RPH3AL: variants seen among roughly 807,000 people sequenced by gnomAD.
The protein encoded by RPH3AL is rab effector Noc2.
In RPH3AL, 38 loss-of-function variants were observed where a neutral mutation model predicts 43.1. The ratio of observed to expected loss-of-function variants is 0.88; its 90% CI spans 0.68 to 1.15. The LOEUF is 1.15. RPH3AL is among the 50% of genes most tolerant of loss of function. The probability of loss-of-function intolerance (pLI) is 0.00; values close to 1 mark genes in which losing one functional copy is unlikely to be tolerated. For synonymous variants in RPH3AL, 189 were observed against 176.3 expected, an observed-to-expected ratio of 1.07 and a Z score of -0.57; for missense variants, 462 against 423.2, an observed-to-expected ratio of 1.09 and a Z score of -0.81.
At position 321,402 on chromosome 17, in the gene RPH3AL, A is replaced by G; in HGVS notation, c.91T>C (p.Trp31Arg). The change falls in exon 4 of 10, where the codon TGG (tryptophan) becomes CGG (arginine). Residue 31 changes from tryptophan (W) to arginine (R), a missense_variant. Transcript: ENST00000331302. ...TCCGTCTGGTAGGTGTGCACGGACC[A>G]GCCCGTCTGCAGCCTCGAGAGGGAA... ...LALRAKLQTG[W>R]SVHTYQTEKQ... 2.5e-6 allele frequency: 4 copies of G among 1,608,024 alleles called. No homozygotes were observed. The highest frequency in any genetic ancestry group is 3.4e-6 in the Non-Finnish European group (4 of 1,178,800).
In RPH3AL at chr17:215,755, G is replaced by T. The variant is rs1331502622; in HGVS notation, c.775C>A (p.His259Asn). Reference sequence around the variant, plus strand: ...AGGCTGCTCTGGCACCCAGAGAGGTGGCCCGGCGGGTGGGTGAACCCCATC... The same window carrying T: ...AGGCTGCTCTGGCACCCAGAGAGGTTGCCCGGCGGGTGGGTGAACCCCATC... Reference protein sequence around the residue: ...PRMGFTHPPGHLSGCQSSLAS... With the variant: ...PRMGFTHPPGNLSGCQSSLAS... The change falls in exon 9 of 10, where the codon CAC (histidine) becomes AAC (asparagine). Residue 259 changes from histidine to asparagine, a missense_variant. By Grantham distance (68) the His-to-Asn change is moderately conservative (BLOSUM62 1). Transcript: ENST00000331302. The surrounding 1 kb of genome is among the most constrained non-coding windows in gnomAD (Gnocchi z 4.1). 3 of 1,305,960 alleles carry T rather than the reference G, an allele frequency of 2.3e-6. No individual in the cohort carries two copies. Among genetic ancestry groups the T allele is most frequent in the Non-Finnish European group, 2.0e-6 (2 of 1,023,872 alleles). The allele number at this position is 1,305,960 out of a possible 1,614,324, so 80.9% of individuals were successfully genotyped here. A position where few individuals can be genotyped will look rare whatever the true frequency, so the allele number is the denominator to read the frequency against.
At chr17:221,622 A>C (rs376983226) in intron 7 of RPH3AL, among the ~76,000 whole-genome samples, 1 of 142,026 alleles carries the variant, frequency 7.0e-6, no homozygotes, top group African/African-American at 2.8e-5. Context: ...AGACCCAAGC[A>C]CAACAGCTCT....
intron 6 of RPH3AL, among the ~76,000 whole-genome samples, chr17:258,608 T>C (rs2042123919): frequency 6.6e-6 from 1 of 152,094 alleles, no homozygotes; most frequent in Non-Finnish European, 1.5e-5. Flanking sequence ...GCCTCAGCCT[T>C]GCCTCCTGCT....
At chr17:268,631 G>A (rs1470772450) in intron 6 of RPH3AL, among the ~76,000 whole-genome samples, 1 of 139,772 alleles carries the variant, frequency 7.2e-6, no homozygotes, top group Non-Finnish European at 1.5e-5. Context: ...CACCATCTCG[G>A]CTCACTGCAG....
At chr17:236,096 G>A (rs2041388716) in intron 7 of RPH3AL, among the ~76,000 whole-genome samples, 1 of 152,184 alleles carries the variant, frequency 6.6e-6, no homozygotes, top group Non-Finnish European at 1.5e-5. Flanking sequence ...CCTGATCTTG[G>A]AGCACAGAAG....
rs2043028188 is a variant in RPH3AL, at chr17:290,691, T to C, written c.352-8837A>G. On this transcript the variant is annotated intron_variant, in intron 5 of 9. Coordinates refer to ENST00000331302, the MANE Select transcript of RPH3AL (RefSeq NM_006987.4). The surrounding 1 kb of genome is among the most constrained non-coding windows in gnomAD (Gnocchi z 4.2). ...AGGCTGGCCTTTGAGTCCTCACCGA[T>C]CCATTTCATGATGAGGAATTCCACC... 6.6e-6 allele frequency among the ~76,000 whole-genome samples: 1 copy of C among 152,068 alleles called. No homozygotes were observed. The highest frequency in any genetic ancestry group is 2.4e-5 in the African/African-American group (1 of 41,414).
At chr17:272,288 A>G (rs1209801679) in intron 6 of RPH3AL, among the ~76,000 whole-genome samples, 1 of 152,122 alleles carries the variant, frequency 6.6e-6, no homozygotes, top group African/African-American at 2.4e-5. Context: ...TCATGCTGCT[A>G]TAAAGACACA....
intron 2 of RPH3AL, chr17:332,991 A>C: frequency 7.8e-7 from 1 of 1,282,418 alleles, no homozygotes; most frequent in Middle Eastern, 2.1e-4. Context: ...TTCCTAGGGG[A>C]CAGAGGCTCA....
At chr17:258,270 C>G (rs548255613) in intron 6 of RPH3AL, among the ~76,000 whole-genome samples, 1 of 152,224 alleles carries the variant, frequency 6.6e-6, no homozygotes. Context: ...TTTCTTCAAG[C>G]TCCTAGCACA....
chr17:319,653 G>T, intron 4 of RPH3AL, 104 bp from the exon 5 acceptor site: 1 of 1,404,452 alleles, frequency 7.1e-7, no homozygotes, highest in East Asian at 2.4e-5. Flanking sequence ...CCCCTCACCT[G>T]GGATATTGTT....
intron 5 of RPH3AL, among the ~76,000 whole-genome samples, chr17:303,517 CAGTG>C (rs1362241365): frequency 3.0e-5 from 4 of 131,276 alleles, no homozygotes; most frequent in Non-Finnish European, 6.7e-5. Context: ...AATTATTGAG[CAGTG>C]ACCGTGTTTC....
intron 1 of RPH3AL, among the ~76,000 whole-genome samples, chr17:337,752 C>T (rs889193119): frequency 6.6e-6 from 1 of 152,116 alleles, no homozygotes; most frequent in Non-Finnish European, 1.5e-5. Flanking sequence ...CGCTCAGTCT[C>T]GCTGCTCGAG....
intron 6 of RPH3AL, among the ~76,000 whole-genome samples, chr17:272,547 T>C (rs550532769): frequency 1.5e-5 from 2 of 130,346 alleles, no homozygotes; most frequent in Non-Finnish European, 3.1e-5. Flanking sequence ...TAGGTGGGAA[T>C]TGAACAATGA....
At chr17:309,613 A>G (rs7502566) in intron 5 of RPH3AL, among the ~76,000 whole-genome samples, 3,531 of 29,112 alleles carry the variant, frequency 0.12, 1,114 homozygotes, top group East Asian at 0.48. Flanking sequence ...CTGGGGGTCC[A>G]GGATATGGCA....
At chr17:336,369 GCTGA>G (rs141002988) in intron 1 of RPH3AL, among the ~76,000 whole-genome samples, 196 of 152,296 alleles carry the variant, frequency 1.3e-3, no homozygotes, top group African/African-American at 4.5e-3. Context: ...AGCGTTGCAG[GCTGA>G]CTATGCACCA....
In RPH3AL at chr17:225,576, T is replaced by C. The variant is rs555995756; in HGVS notation, c.614-5840A>G. On this transcript the variant is annotated intron_variant, in intron 7 of 9. Coordinates refer to ENST00000331302, the MANE Select transcript of RPH3AL (RefSeq NM_006987.4). The surrounding 1 kb of genome is among the most constrained non-coding windows in gnomAD (Gnocchi z 4.4). Reference sequence around the variant, plus strand: ...GCCCTTGGGGCAGCTACAGTGAAATTAGAGGCCTGTGGCTCACACTTCCCG... The same window carrying C: ...GCCCTTGGGGCAGCTACAGTGAAATCAGAGGCCTGTGGCTCACACTTCCCG... 3.9e-5 allele frequency among the ~76,000 whole-genome samples: 6 copies of C among 152,234 alleles called. No individual in the cohort carries two copies. The East Asian group carries it at 1.2e-3, about 29-fold the overall frequency.
intron 1 of RPH3AL, among the ~76,000 whole-genome samples, chr17:346,120 A>G (rs1282661523): frequency 1.5e-5 from 2 of 134,908 alleles, no homozygotes; most frequent in Non-Finnish European, 3.4e-5. Context: ...TAACAACCCC[A>G]TTGTACAGGT....
chr17:262,641 C>A (rs1246286200), intron 6 of RPH3AL, among the ~76,000 whole-genome samples: 10 of 152,184 alleles, frequency 6.6e-5, no homozygotes, highest in African/African-American at 2.4e-4. Flanking sequence ...CCTGGCCAAG[C>A]TGTTTACATC....
At chr17:326,144 C>T (rs1174659271) in intron 3 of RPH3AL, among the ~76,000 whole-genome samples, 1 of 152,220 alleles carries the variant, frequency 6.6e-6, no homozygotes, top group African/African-American at 2.4e-5. Flanking sequence ...CGTCAGAGGA[C>T]AGAGAGGGAG....
Sources: allele counts gnomAD v4.1 joint callset (sites outside exome capture counted in the v4.1 genomes callset), GRCh38; gene constraint gnomAD v4.1.1; non-coding constraint Gnocchi (gnomAD v3.1); transcripts MANE v1.5; gene names NCBI Gene and HGNC (gene_info 2026-07-23, HGNC 2026-07-21).